Variants in ELOVL5 observed in about 807,000 individuals in gnomAD.
ELOVL5 encodes ELOVL fatty acid elongase 5.
A neutral mutation model predicts 38.6 loss-of-function variants in ELOVL5; 8 were observed. That is an observed-to-expected ratio of 0.21 (90% CI 0.12 to 0.37). The LOEUF is 0.37. Among genes scored for constraint, ELOVL5 ranks in the 10% least tolerant of loss-of-function variants. The pLI is 1.00. For missense variants in ELOVL5, 280 were observed against 367.8 expected, an observed-to-expected ratio of 0.76 and a Z score of 1.95; for synonymous variants, 127 against 133.7, an observed-to-expected ratio of 0.95 and a Z score of 0.34.
At chr6:53,297,967 A>G (rs1003495171) in intron 1 of ELOVL5, among the ~76,000 whole-genome samples, 3 of 152,184 alleles carry the variant, frequency 2.0e-5, no homozygotes, top group Admixed American at 6.5e-5. Flanking sequence ...TAAATAAGAA[A>G]TGTTTTATCT....
At chr6:53,308,547 C>G in intron 1 of ELOVL5, among the ~76,000 whole-genome samples, 1 of 152,154 alleles carries the variant, frequency 6.6e-6, no homozygotes, top group East Asian at 1.9e-4. Context: ...TTAAAATCAC[C>G]TAACAGCTTT....
At chr6:53,304,591 G>A (rs1767404284) in intron 1 of ELOVL5, among the ~76,000 whole-genome samples, 1 of 152,206 alleles carries the variant, frequency 6.6e-6, no homozygotes, top group Non-Finnish European at 1.5e-5. Context: ...GAGTGTTTGT[G>A]TCCCTGGGTA....
At chr6:53,306,093 ACT>A (rs1200320786) in intron 1 of ELOVL5, among the ~76,000 whole-genome samples, 4 of 150,784 alleles carry the variant, frequency 2.7e-5, no homozygotes, top group African/African-American at 4.9e-5. Context: ...AATTGCAGGC[ACT>A]CGGCAGGCGG....
intron 1 of ELOVL5, among the ~76,000 whole-genome samples, chr6:53,325,124 A>T (rs946041593): frequency 3.9e-5 from 6 of 152,158 alleles, no homozygotes; most frequent in African/African-American, 1.4e-4. Context: ...TGAATGTCCT[A>T]TCCTACTAAT....
intron 1 of ELOVL5, among the ~76,000 whole-genome samples, chr6:53,347,992 A>C (rs1370763706): frequency 4.0e-5 from 6 of 148,926 alleles, no homozygotes; most frequent in Non-Finnish European, 5.9e-5. Flanking sequence ...GACAACACAC[A>C]CTCTAGCTCC....
chr6:53,305,524 CG>C (rs1767484593), intron 1 of ELOVL5, among the ~76,000 whole-genome samples: 1 of 139,390 alleles, frequency 7.2e-6, no homozygotes. Flanking sequence ...ACTTCTCAGA[CG>C]GGGCGGCCGG....
chr6:53,329,927 C>T (rs995999773), intron 1 of ELOVL5, among the ~76,000 whole-genome samples: 2 of 152,282 alleles, frequency 1.3e-5, no homozygotes, highest in South Asian at 2.1e-4. Context: ...CTCTTCTGTA[C>T]GATTTTATTT....
At chr6:53,274,613 G>A (rs1006482028) in intron 5 of ELOVL5, among the ~76,000 whole-genome samples, 11 of 152,298 alleles carry the variant, frequency 7.2e-5, no homozygotes, top group African/African-American at 2.6e-4. Context: ...TTTGGTGCTC[G>A]TTATAGAAGA....
rs1465515892 is a variant in ELOVL5, at chr6:53,304,906, T to C, written c.-8-9199A>G. 7.9e-5 allele frequency among the ~76,000 whole-genome samples: 12 copies of C among 152,266 alleles called. No individual in the cohort carries two copies. The East Asian group carries it at 1.9e-3, about 25-fold the overall frequency. ...CCTTTTCTATTCCACAAAACCACCATTGTCATCATGGCCCGTTCTCAATGA... is the reference window on the plus strand; with the variant it reads ...CCTTTTCTATTCCACAAAACCACCACTGTCATCATGGCCCGTTCTCAATGA... On this transcript the variant is annotated intron_variant, in intron 1 of 7. Coordinates refer to ENST00000304434, the MANE Select transcript of ELOVL5 (RefSeq NM_021814.5).
At position 53,268,295 on chromosome 6, in the gene ELOVL5, T is replaced by C. The variant is rs1765807746; in HGVS notation, c.*832A>G. ...GCACTGGTGGAAAGCAAAATTGACTTTTTGTTTGCTGTATAAAAACACTTA... is the reference window on the plus strand; with the variant it reads ...GCACTGGTGGAAAGCAAAATTGACTCTTTGTTTGCTGTATAAAAACACTTA... On this transcript the variant is annotated 3_prime_UTR_variant, in exon 8 of 8. Transcript: ENST00000304434. 6.6e-6 allele frequency: 1 copy of C among 152,150 alleles called. No individual in the cohort carries two copies. Among genetic ancestry groups the C allele is most frequent in the African/African-American group, 2.4e-5 (1 of 41,420 alleles). The allele number at this position is 152,150 out of a possible 1,614,324, so 9.4% of individuals were successfully genotyped here.
intron 6 of ELOVL5, among the ~76,000 whole-genome samples, chr6:53,271,829 T>A (rs1214239430): frequency 6.6e-6 from 1 of 152,198 alleles, no homozygotes; most frequent in African/African-American, 2.4e-5. Context: ...TTAAAATAAA[T>A]CCTGACAACC....
intron 1 of ELOVL5, among the ~76,000 whole-genome samples, chr6:53,317,894 G>T (rs1561884510): frequency 1.3e-5 from 2 of 151,414 alleles, no homozygotes; most frequent in Non-Finnish European, 2.9e-5. Flanking sequence ...TCAAATGATG[G>T]ATTTTTCCCC....
chr6:53,276,129 T>A (rs755455342), intron 4 of ELOVL5, 50 bp downstream of exon 4: 22 of 1,294,206 alleles, frequency 1.7e-5, no homozygotes, highest in African/African-American at 9.0e-5. Flanking sequence ...CAATTTATTT[T>A]TAAAAACTCA....
At chr6:53,276,358 G>C in intron 3 of ELOVL5, 102 bp from the exon 4 acceptor site, 2 of 768,526 alleles carry the variant, frequency 2.6e-6, no homozygotes, top group Non-Finnish European at 4.5e-6. Context: ...ACCTTGGGCT[G>C]TGCTGAGCCA....
intron 1 of ELOVL5, among the ~76,000 whole-genome samples, chr6:53,312,399 A>C (rs1767880383): frequency 6.6e-6 from 1 of 152,258 alleles, no homozygotes; most frequent in Non-Finnish European, 1.5e-5. Flanking sequence ...AACAACCTGA[A>C]TGAATCTCTA....
intron 1 of ELOVL5, among the ~76,000 whole-genome samples, chr6:53,347,602 C>T (rs760809613): frequency 6.6e-6 from 1 of 152,174 alleles, no homozygotes; most frequent in Non-Finnish European, 1.5e-5. Flanking sequence ...CACTTCCTGC[C>T]ACGGGTCCCG....
chr6:53,290,335 A>C (rs1766726782), intron 3 of ELOVL5: 1 of 152,242 alleles, frequency 6.6e-6, no homozygotes, highest in Non-Finnish European at 1.5e-5. Context: ...ACTCTGTAAG[A>C]GTTCTCTTAA....
intron 4 of ELOVL5, 85 bp downstream of exon 4, chr6:53,276,094 G>C: frequency 2.2e-6 from 2 of 920,748 alleles, no homozygotes; most frequent in Non-Finnish European, 3.4e-6. Context: ...GGGCAGTGAG[G>C]TTATGGGCCA....
intron 1 of ELOVL5, among the ~76,000 whole-genome samples, chr6:53,340,363 C>T (rs1769275376): frequency 6.6e-6 from 1 of 152,108 alleles, no homozygotes; most frequent in African/African-American, 2.4e-5. Flanking sequence ...GCTGAGATTA[C>T]AGACATGAGC....
Sources: gnomAD v4.1 joint callset for allele counts (sites outside exome capture counted in the v4.1 genomes callset) on GRCh38, gnomAD v4.1.1 for gene constraint, MANE v1.5 for transcripts, NCBI Gene and HGNC (gene_info 2026-07-23, HGNC 2026-07-21) for gene names.